PHACTR2: variants seen among roughly 807,000 people sequenced by gnomAD.
PHACTR2 encodes phosphatase and actin regulator 2, also known as chromosome 6 open reading frame 56.
Under a neutral mutation model 76.0 loss-of-function variants are expected in PHACTR2, and 30 were observed. The ratio of observed to expected loss-of-function variants is 0.39; its 90% CI spans 0.30 to 0.54. PHACTR2 has a LOEUF of 0.54. Ranked by LOEUF, PHACTR2 falls within the 20% of genes least tolerant of loss-of-function variation. The probability of loss-of-function intolerance (pLI) is 0.61; values close to 1 mark genes in which losing one functional copy is unlikely to be tolerated. For synonymous variants in PHACTR2, 292 were observed against 292.5 expected, an observed-to-expected ratio of 1.00 and a Z score of 0.02; for missense variants, 696 against 781.1, an observed-to-expected ratio of 0.89 and a Z score of 1.30.
chr6:143,737,965 A>T (rs1210302935), intron 2 of PHACTR2, among the ~76,000 whole-genome samples: 1 of 152,258 alleles, frequency 6.6e-6, no homozygotes, highest in Non-Finnish European at 1.5e-5. Context: ...GTCTGATTGG[A>T]TATGTAAAAT....
chr6:143,760,590 C>T lies in PHACTR2; in HGVS notation c.644C>T (p.Ala215Val), dbSNP rs756435586. 4 of 1,613,930 alleles carry T rather than the reference C, an allele frequency of 2.5e-6. No individual in the cohort carries two copies. In the Admixed American group the frequency reaches 5.0e-5, roughly 20 times the overall value. The change falls in exon 5 of 13, where the codon GCC becomes GTC. Residue 215 changes from alanine (A) to valine (V), a missense_variant. Ala to Val is a moderately conservative substitution (Grantham distance 64). Transcript: ENST00000440869. The surrounding 1 kb of genome is among the most constrained non-coding windows in gnomAD (Gnocchi z 6.4). ...KKNTKAPGKQ[A>V]PVPPPKPASR... ...AATACCAAGGCTCCTGGTAAGCAGGCCCCCGTCCCTCCACCCAAGCCAGCA... is the reference window on the plus strand; with the variant it reads ...AATACCAAGGCTCCTGGTAAGCAGGTCCCCGTCCCTCCACCCAAGCCAGCA...
chr6:143,778,738 T>A (rs17073064), intron 9 of PHACTR2, among the ~76,000 whole-genome samples: 18,482 of 152,098 alleles, frequency 0.12, 1,542 homozygotes, highest in African/African-American at 0.23. Flanking sequence ...GACCCTACGC[T>A]CCTAAAAAAC....
rs1194914805 is a variant in PHACTR2 at position 143,617,687 on chromosome 6, A to G, written c.13+9365A>G. The stretch of plus-strand genomic sequence containing the variant: ...AGCTGAGATTTTGTGCTTGGGAATT[A>G]TCTGCTTCCAGGTGAGATGTGAGGC... On this transcript the variant is annotated intron_variant, in intron 1 of 11. Transcript: ENST00000305766. The surrounding 1 kb of genome is among the most constrained non-coding windows in gnomAD (Gnocchi z 4.8). Among the ~76,000 whole-genome samples, 1 of 152,156 alleles carries G rather than the reference A, an allele frequency of 6.6e-6. No individual in the cohort carries two copies. Among genetic ancestry groups the G allele is most frequent in the Non-Finnish European group, 1.5e-5 (1 of 68,024 alleles).
At position 143,592,888 on chromosome 6, in the gene PHACTR2, A is replaced by G. The variant is rs1305561898; in HGVS notation, c.217+55681A>G. 6.6e-6 allele frequency among the ~76,000 whole-genome samples: 1 copy of G among 151,862 alleles called. No homozygotes were observed. The highest frequency in any genetic ancestry group is 1.5e-5 in the Non-Finnish European group (1 of 67,962). On this transcript the variant is annotated intron_variant, in intron 1 of 11. Transcript: ENST00000367584. The surrounding 1 kb of genome is among the most constrained non-coding windows in gnomAD (Gnocchi z 4.0). Reference sequence around the variant, plus strand: ...ATGGCGAAACCCTGTCTCTACAAAAAATAAAAAAAAATAGCCGGACATGGT... The same window carrying G: ...ATGGCGAAACCCTGTCTCTACAAAAGATAAAAAAAAATAGCCGGACATGGT...
chr6:143,743,108 A>T lies in PHACTR2; in HGVS notation c.215-5877A>T, dbSNP rs1190370384. ...GAACACAAAGTTCTAGCCCATCAGG[A>T]TAGTGAGATCTCCATGCAGAGCTAC... On this transcript the variant is annotated intron_variant, in intron 2 of 12. Transcript: ENST00000440869. This position sits in a 1 kb window ranked among gnomAD's most constrained non-coding sequence, Gnocchi z 5.0. 6.6e-6 allele frequency among the ~76,000 whole-genome samples: 1 copy of T among 152,194 alleles called. No homozygotes were observed. The highest frequency in any genetic ancestry group is 1.5e-5 in the Non-Finnish European group (1 of 68,014).
rs925348521 is a variant in PHACTR2, at chr6:143,823,027, G to A, written c.1923-647G>A. Among the ~76,000 whole-genome samples the A allele has an allele frequency of 6.6e-6, 1 of 152,148 alleles. No individual in the cohort carries two copies. Among genetic ancestry groups the A allele is most frequent in the Non-Finnish European group, 1.5e-5 (1 of 68,028 alleles). On this transcript the variant is annotated intron_variant, in intron 12 of 12. Transcript: ENST00000440869. The surrounding 1 kb of genome is among the most constrained non-coding windows in gnomAD (Gnocchi z 5.7). ...TGACTAATAGGAAATGCTGGATGAG[G>A]GAGAGAAATGAATTGCTAATCTGAG... is the stretch of plus-strand genomic sequence containing the variant.
intron 1 of PHACTR2, among the ~76,000 whole-genome samples, chr6:143,545,768 C>T (rs1049454716): frequency 2.6e-5 from 4 of 152,124 alleles, no homozygotes; most frequent in African/African-American, 7.2e-5. Flanking sequence ...GAGGGAAAAT[C>T]GCATTATGTT....
At chr6:143,732,052 G>C (rs1778710252) in intron 2 of PHACTR2, among the ~76,000 whole-genome samples, 1 of 152,136 alleles carries the variant, frequency 6.6e-6, no homozygotes, top group Non-Finnish European at 1.5e-5. Context: ...ATGTGCAAAT[G>C]CTACTTTCTC....
chr6:143,777,310 T>C lies in PHACTR2; in HGVS notation c.1590-18T>C. On this transcript the variant is annotated intron_variant, in intron 8 of 12. Coordinates refer to ENST00000440869, the MANE Select transcript of PHACTR2 (RefSeq NM_001100164.2). The surrounding 1 kb of genome is among the most constrained non-coding windows in gnomAD (Gnocchi z 4.6). ...TACCTTGTTTTTAACCTGTAATATATCCTTTTTGTCATCATAGGAGGCTGA... is the reference window on the plus strand; with the variant it reads ...TACCTTGTTTTTAACCTGTAATATACCCTTTTTGTCATCATAGGAGGCTGA... 1 of 1,516,776 alleles carries C rather than the reference T, an allele frequency of 6.6e-7. No homozygotes were observed. The highest frequency in any genetic ancestry group is 9.1e-7 in the Non-Finnish European group (1 of 1,097,712). The allele number at this position is 1,516,776 out of a possible 1,614,324, so 94.0% of individuals were successfully genotyped here.
rs146293187 is a variant in PHACTR2, at chr6:143,746,417, T to C, written c.215-2568T>C. 5.0e-3 allele frequency among the ~76,000 whole-genome samples: 767 copies of C among 152,332 alleles called. 6 individuals are homozygous for C. The highest frequency in any genetic ancestry group is 0.017 in the African/African-American group (723 of 41,578). ...CCGGTTAGGAAGACAGCCACCGTGATTGAATGCTGAATTGGCAGTGCATTT... is the reference window on the plus strand; with the variant it reads ...CCGGTTAGGAAGACAGCCACCGTGACTGAATGCTGAATTGGCAGTGCATTT... On this transcript the variant is annotated intron_variant, in intron 2 of 12. Coordinates refer to ENST00000440869, the MANE Select transcript of PHACTR2 (RefSeq NM_001100164.2).
intron 1 of PHACTR2, among the ~76,000 whole-genome samples, chr6:143,569,978 A>G (rs1366072224): frequency 2.6e-5 from 4 of 152,228 alleles, no homozygotes; most frequent in Admixed American, 2.6e-4. Context: ...AGTTCACAGA[A>G]TTCGATTCAG....
chr6:143,627,319 A>AG lies in PHACTR2; in HGVS notation c.13+18997_13+18998insG, dbSNP rs1472726165. 3.9e-5 allele frequency among the ~76,000 whole-genome samples: 6 copies of AG among 152,254 alleles called. No individual in the cohort carries two copies. Among genetic ancestry groups the AG allele is most frequent in the Non-Finnish European group, 8.8e-5 (6 of 68,054 alleles). On this transcript the variant is annotated intron_variant, in intron 1 of 11. Coordinates refer to the PHACTR2 transcript ENST00000305766. The surrounding 1 kb of genome is among the most constrained non-coding windows in gnomAD (Gnocchi z 4.3). ...TAAGATAGCTTTACTCAGTTCGATA[A>AG]CTTGCCTTATTCATCAGACTTAGAC...
At chr6:143,716,010 T>C (rs1778293114) in intron 2 of PHACTR2, among the ~76,000 whole-genome samples, 2 of 152,110 alleles carry the variant, frequency 1.3e-5, no homozygotes, top group Admixed American at 1.3e-4. Flanking sequence ...TGTAGGCCAC[T>C]AGAGAAGACA....
At chr6:143,815,918 T>C (rs1006829377) in intron 12 of PHACTR2, among the ~76,000 whole-genome samples, 3 of 150,830 alleles carry the variant, frequency 2.0e-5, no homozygotes, top group Non-Finnish European at 2.9e-5. Flanking sequence ...AAAGAATTTA[T>C]AGGAAGATGA....
Position 143,695,467 on chromosome 6 carries a change from G to A in PHACTR2, c.47-16549G>A, listed in dbSNP as rs1238208431. On this transcript the variant is annotated intron_variant, in intron 1 of 12. Transcript: ENST00000440869. This position sits in a 1 kb window ranked among gnomAD's most constrained non-coding sequence, Gnocchi z 4.4. ...TTCAATACCCTAAGGCATAAAAATG[G>A]CGTCTTACTATAGACAGTGGAAATA... 6.6e-6 allele frequency among the ~76,000 whole-genome samples: 1 copy of A among 152,190 alleles called. No individual in the cohort carries two copies. Among genetic ancestry groups the A allele is most frequent in the Non-Finnish European group, 1.5e-5 (1 of 68,034 alleles).
chr6:143,741,219 A>G (rs1778934123), intron 2 of PHACTR2, among the ~76,000 whole-genome samples: 1 of 149,788 alleles, frequency 6.7e-6, no homozygotes. Context: ...TCTACTAAAA[A>G]TACAAAAATT....
rs868550481 is a variant in PHACTR2, at chr6:143,826,441, T to G, written c.*2752T>G. Reference sequence around the variant, plus strand: ...ATTCCAGGTTTTTGGCTATTTAAAGTTTGACATTAGGCTGACATCGAGGAA... The same window carrying G: ...ATTCCAGGTTTTTGGCTATTTAAAGGTTGACATTAGGCTGACATCGAGGAA... On this transcript the variant is annotated 3_prime_UTR_variant, in exon 13 of 13. Coordinates refer to ENST00000440869, the MANE Select transcript of PHACTR2 (RefSeq NM_001100164.2). 2.6e-5 allele frequency: 4 copies of G among 152,346 alleles called. No individual in the cohort carries two copies. The highest frequency in any genetic ancestry group is 2.4e-5 in the African/African-American group (1 of 41,584). The allele number at this position is 152,346 out of a possible 1,614,324, so 9.4% of individuals were successfully genotyped here.
intron 2 of PHACTR2, among the ~76,000 whole-genome samples, chr6:143,720,497 A>G (rs963533190): frequency 7.2e-5 from 11 of 152,202 alleles, no homozygotes; most frequent in Admixed American, 6.5e-4. Flanking sequence ...AGAGTTAGCA[A>G]TAGCATGCAC....
Position 143,581,803 on chromosome 6 carries a change from G to A in PHACTR2, c.217+44596G>A, listed in dbSNP as rs145504107. 5.4e-3 allele frequency among the ~76,000 whole-genome samples: 821 copies of A among 152,236 alleles called. 4 individuals are homozygous for A. Among genetic ancestry groups the A allele is most frequent in the Non-Finnish European group, 7.5e-3 (507 of 68,028 alleles). ...GCCATGATCACGCCACTGCACTCCAGCCTGGGTGACAGAGTGAGAACCCTG... is the reference window on the plus strand; with the variant it reads ...GCCATGATCACGCCACTGCACTCCAACCTGGGTGACAGAGTGAGAACCCTG... On this transcript the variant is annotated intron_variant, in intron 1 of 11. Transcript: ENST00000367584. The surrounding 1 kb of genome is among the most constrained non-coding windows in gnomAD (Gnocchi z 4.5).
Sources: allele counts gnomAD v4.1 joint callset (sites outside exome capture counted in the v4.1 genomes callset), GRCh38; gene constraint gnomAD v4.1.1; non-coding constraint Gnocchi (gnomAD v3.1); transcripts MANE v1.5; gene names NCBI Gene and HGNC (gene_info 2026-07-23, HGNC 2026-07-21).